VAV2: variants seen among roughly 807,000 people sequenced by gnomAD.
VAV2 encodes the protein guanine nucleotide exchange factor VAV2.
Under a neutral mutation model 132.5 loss-of-function variants are expected in VAV2, and 67 were observed. That is an observed-to-expected ratio of 0.51 (90% CI 0.42 to 0.62). The LOEUF (loss-of-function observed/expected upper bound fraction) is 0.62. Ranked by LOEUF, VAV2 falls within the 20% of genes least tolerant of loss-of-function variation. VAV2 has a pLI of 0.00. For missense variants in VAV2, 938 were observed against 1,153.6 expected (o/e 0.81, Z 2.71); for synonymous variants, 492 against 443.5 (o/e 1.11, Z -1.37).
intron 1 of VAV2, among the ~76,000 whole-genome samples, chr9:133,981,084 A>C (rs2519132): frequency 1 from 151,687 of 152,300 alleles, 75,543 homozygotes; most frequent in East Asian, 1. Context: ...TCGCCCAGTC[A>C]AACCCAGGAG....
At chr9:133,770,274 G>A in intron 27 of VAV2, 104 bp downstream of exon 27, 1 of 1,538,684 alleles carries the variant, frequency 6.5e-7, no homozygotes. Context: ...CCCAGGGTGG[G>A]ACTCCTGGTC....
At chr9:133,798,997 TCCATCATGAG>T (rs1834829147) in intron 9 of VAV2, among the ~76,000 whole-genome samples, 1 of 152,178 alleles carries the variant, frequency 6.6e-6, no homozygotes, top group African/African-American at 2.4e-5. Context: ...CATTTCTCTT[TCCATCATGAG>T]AGCTGCTTTG....
chr9:133,938,321 G>A (rs1301638163), intron 2 of VAV2, among the ~76,000 whole-genome samples: 10 of 152,168 alleles, frequency 6.6e-5, no homozygotes, highest in Admixed American at 6.5e-4. Context: ...AATCCATCAG[G>A]AAGCTATTGA....
intron 3 of VAV2, among the ~76,000 whole-genome samples, chr9:133,852,750 A>C (rs1023579131): frequency 6.6e-6 from 1 of 152,170 alleles, no homozygotes; most frequent in African/African-American, 2.4e-5. Flanking sequence ...TTTCTGAACA[A>C]ATGTGTCTCC....
intron 2 of VAV2, among the ~76,000 whole-genome samples, chr9:133,893,809 A>G (rs1266015192): frequency 6.6e-6 from 1 of 152,164 alleles, no homozygotes; most frequent in African/African-American, 2.4e-5. Flanking sequence ...CCAGAGTCCA[A>G]CTACCGCCCC....
At chr9:133,812,381 G>T (rs899579303) in intron 4 of VAV2, among the ~76,000 whole-genome samples, 165 bp from the exon 5 acceptor site, 1 of 152,254 alleles carries the variant, frequency 6.6e-6, no homozygotes, top group African/African-American at 2.4e-5. Context: ...CCTGCAGGGC[G>T]TCTGTGGGTG....
rs1455088365 is a variant in VAV2 at position 133,962,714 on chromosome 9, A to AGCACCAT, written c.205-23502_205-23496dup. Among the ~76,000 whole-genome samples the AGCACCAT allele has an allele frequency of 7.9e-5, 12 of 152,366 alleles. No homozygotes were observed. In the South Asian group the frequency reaches 2.1e-3, roughly 26 times the overall value. On this transcript the variant is annotated intron_variant, in intron 1 of 29. Coordinates refer to ENST00000371850, the MANE Select transcript of VAV2 (RefSeq NM_001134398.2). ...TTTCATCAACATTAAGGAAATTGAA[A>AGCACCAT]GCACCATTTGATTTGAGCTCTACCG... is the stretch of plus-strand genomic sequence containing the variant.
intron 2 of VAV2, among the ~76,000 whole-genome samples, chr9:133,913,016 C>T (rs1292246885): frequency 4.6e-5 from 7 of 152,180 alleles, no homozygotes; most frequent in African/African-American, 1.4e-4. Flanking sequence ...CCAGCCTGAC[C>T]CTGCACACCC....
chr9:133,906,928 T>G (rs12337542), intron 2 of VAV2, among the ~76,000 whole-genome samples: 1 of 151,848 alleles, frequency 6.6e-6, no homozygotes, highest in Admixed American at 6.6e-5. Flanking sequence ...CAGACAGACA[T>G]AGAGACCTGC....
chr9:133,989,122 T>C (rs1483577714), intron 1 of VAV2, among the ~76,000 whole-genome samples: 5 of 152,056 alleles, frequency 3.3e-5, no homozygotes, highest in Non-Finnish European at 7.4e-5. Context: ...GTGGATCACC[T>C]GAGGTCAGGA....
At chr9:133,780,333 C>T (rs73550074) in intron 20 of VAV2, among the ~76,000 whole-genome samples, 3,371 of 152,242 alleles carry the variant, frequency 0.022, 54 homozygotes, top group Middle Eastern at 0.048. Flanking sequence ...GAGGGGCACA[C>T]GAAGCCCCTG....
chr9:133,938,812 C>G (rs1286484498), intron 2 of VAV2, among the ~76,000 whole-genome samples: 2 of 152,202 alleles, frequency 1.3e-5, no homozygotes, highest in Non-Finnish European at 2.9e-5. Flanking sequence ...CCAGGGTTGT[C>G]TGCACTCTGC....
chr9:133,979,381 C>A (rs1162809373), intron 1 of VAV2, among the ~76,000 whole-genome samples: 1 of 152,166 alleles, frequency 6.6e-6, no homozygotes, highest in Non-Finnish European at 1.5e-5. Context: ...GGTCTCCACC[C>A]TAGGAATGTG....
intron 25 of VAV2, 63 bp downstream of exon 25, chr9:133,774,872 G>C (rs1326467481): frequency 2.1e-6 from 3 of 1,418,026 alleles, no homozygotes; most frequent in Non-Finnish European, 2.9e-6. Flanking sequence ...GGAGAGGATG[G>C]TGCTCTCCAC....
At chr9:133,789,200 G>C (rs1175265132) in intron 14 of VAV2, 58 bp downstream of exon 14, 6 of 1,584,502 alleles carry the variant, frequency 3.8e-6, no homozygotes, top group Non-Finnish European at 5.2e-6. Flanking sequence ...GGCTCCCTGG[G>C]AGGGAGAGCC....
chr9:133,970,035 C>G (rs1471559676), intron 1 of VAV2, among the ~76,000 whole-genome samples: 1 of 152,152 alleles, frequency 6.6e-6, no homozygotes, highest in African/African-American at 2.4e-5. Flanking sequence ...TCTGCACCCC[C>G]TGGCCTCAGC....
chr9:133,940,667 ACGT>A (rs1841106685), intron 1 of VAV2, among the ~76,000 whole-genome samples: 1 of 134,226 alleles, frequency 7.5e-6, no homozygotes, highest in African/African-American at 3.1e-5. Context: ...CTCTCTGTCC[ACGT>A]GCGTGTGTGT....
chr9:133,782,374 T>C (rs2131595537), intron 19 of VAV2, among the ~76,000 whole-genome samples: 1 of 151,996 alleles, frequency 6.6e-6, no homozygotes, highest in Non-Finnish European at 1.5e-5. Flanking sequence ...AAAAGCTGCG[T>C]TCAGGCCACA....
At chr9:133,974,027 C>A (rs1052679793) in intron 1 of VAV2, among the ~76,000 whole-genome samples, 1 of 152,136 alleles carries the variant, frequency 6.6e-6, no homozygotes, top group African/African-American at 2.4e-5. Context: ...TGTTCCAGAA[C>A]GCTCCCTTCA....
Sources: allele counts gnomAD v4.1 joint callset (sites outside exome capture counted in the v4.1 genomes callset), GRCh38; gene constraint gnomAD v4.1.1; transcripts MANE v1.5; gene names NCBI Gene and HGNC (gene_info 2026-07-23, HGNC 2026-07-21).